The following INO80 variants were observed in gnomAD, a reference collection of about 807,000 sequenced individuals.
The protein encoded by INO80 is chromatin-remodeling ATPase INO80.
INO80 carries 20 observed loss-of-function variants against 203.4 expected under a neutral mutation model. The ratio of observed to expected loss-of-function variants is 0.10; its 90% CI spans 0.07 to 0.14. INO80 has a LOEUF of 0.14. Among genes scored for constraint, INO80 ranks in the 10% least tolerant of loss-of-function variants. INO80 has a pLI of 1.00. For synonymous variants in INO80, 726 were observed against 685.2 expected, an observed-to-expected ratio of 1.06 and a Z score of -0.93; for missense variants, 1,419 against 1,914.4, an observed-to-expected ratio of 0.74 and a Z score of 4.83.
At chr15:41,051,128 CA>C (rs368535813) in intron 19 of INO80, among the ~76,000 whole-genome samples, 1,188 of 78,476 alleles carry the variant, frequency 0.015, 81 homozygotes, top group African/African-American at 0.063. Context: ...GACTCCATCT[CA>C]AAAAAAAAAA....
At chr15:41,066,048 G>A (rs2045207340) in intron 14 of INO80, among the ~76,000 whole-genome samples, 1 of 143,806 alleles carries the variant, frequency 7.0e-6, no homozygotes, top group Non-Finnish European at 1.5e-5. Flanking sequence ...GCACAATCTC[G>A]GCTCACCACA....
rs181298154 is a variant in INO80, at chr15:41,116,175, G to A, written c.-246C>T. ...GACCCCAAGATGGCGGCGGCGCTGA[G>A]GCGGCTGCGGGCGCTGGGCCGGCGG... On this transcript the variant is annotated 5_prime_UTR_variant, in exon 1 of 36. Coordinates refer to ENST00000648947, the MANE Select transcript of INO80 (RefSeq NM_017553.3). 0.013 allele frequency: 5,179 copies of A among 407,806 alleles called. 228 individuals are homozygous for A. The highest frequency in any genetic ancestry group is 0.096 in the African/African-American group (4,699 of 48,802). 25.3% of individuals were successfully genotyped at this position (407,806 alleles called of 1,614,324 possible).
intron 9 of INO80, among the ~76,000 whole-genome samples, chr15:41,074,879 G>C (rs1181236198): frequency 6.6e-6 from 1 of 152,014 alleles, no homozygotes; most frequent in African/African-American, 2.4e-5. Context: ...AGAGTAGCTG[G>C]GATTACAAGT....
At chr15:41,042,219 G>T (rs1191839803) in intron 24 of INO80, among the ~76,000 whole-genome samples, 1 of 151,612 alleles carries the variant, frequency 6.6e-6, no homozygotes, top group East Asian at 1.9e-4. Flanking sequence ...TTTCACCATT[G>T]GCCAAGCTAG....
intron 14 of INO80, among the ~76,000 whole-genome samples, chr15:41,065,798 G>C: frequency 6.6e-6 from 1 of 152,240 alleles, no homozygotes; most frequent in South Asian, 2.1e-4. Context: ...CATTCACAAA[G>C]TGTTCAGAAT....
intron 11 of INO80, 138 bp from the exon 12 acceptor site, chr15:41,072,196 A>G (rs1302360343): frequency 3.5e-6 from 2 of 568,690 alleles, no homozygotes. Flanking sequence ...ATCTGATAAT[A>G]TAACGTAGTA....
rs760187385 is a variant in INO80 at position 41,072,058 on chromosome 15, T to C, written c.1396A>G (p.Thr466Ala). The C allele has an allele frequency of 6.5e-7, 1 of 1,527,550 alleles. No homozygotes were observed. The highest frequency in any genetic ancestry group is 8.7e-7 in the Non-Finnish European group (1 of 1,145,610). The allele number at this position is 1,527,550 out of a possible 1,614,324, so 94.6% of individuals were successfully genotyped here. A position where few individuals can be genotyped will look rare whatever the true frequency, so the allele number is the denominator to read the frequency against. ...TTTGCATCTTCATCAAATGACCTTGTCTGGAAAGTAAAAAAAAAAAAAATT... is the reference window on the plus strand; with the variant it reads ...TTTGCATCTTCATCAAATGACCTTGCCTGGAAAGTAAAAAAAAAAAAAATT... ...ENAYHIHQAR[T>A]RSFDEDAKES... Residue 466 changes from threonine (T) to alanine (A), a missense_variant and splice_region_variant, in exon 12 of 36, where the codon ACA becomes GCA. Coordinates refer to ENST00000648947, the MANE Select transcript of INO80 (RefSeq NM_017553.3).
rs1173316106 is a variant in INO80 at position 40,983,012 on chromosome 15, T to TGG, written c.4301_4302dup (p.Lys1435ProfsTer81). On this transcript the variant is annotated frameshift_variant, in exon 35 of 36. Transcript: ENST00000648947. LOFTEE classifies it high-confidence loss of function. ...CCTTTGGCTGTGCTTCCTGAACCTT[T>TGG]GGGGCGGCCTCGGCTTCGGGCTGAG... 1 of 1,613,928 alleles carries TGG rather than the reference T, an allele frequency of 6.2e-7. No homozygotes were observed. Among genetic ancestry groups the TGG allele is most frequent in the Non-Finnish European group, 8.5e-7 (1 of 1,180,018 alleles).
At chr15:41,073,175 T>C (rs2045351703) in intron 11 of INO80, among the ~76,000 whole-genome samples, 1 of 152,184 alleles carries the variant, frequency 6.6e-6, no homozygotes, top group Non-Finnish European at 1.5e-5. Context: ...CTGTTCTAAC[T>C]TGAAATTAAC....
intron 27 of INO80, among the ~76,000 whole-genome samples, chr15:41,010,192 C>G (rs1267292541): frequency 6.6e-6 from 1 of 152,198 alleles, no homozygotes; most frequent in Non-Finnish European, 1.5e-5. Context: ...GCCAGCATAA[C>G]TCAAGATAGT....
chr15:41,080,227 A>G (rs978111784), intron 8 of INO80, among the ~76,000 whole-genome samples: 1 of 152,354 alleles, frequency 6.6e-6, no homozygotes, highest in Non-Finnish European at 1.5e-5. Flanking sequence ...TGCTTATTAC[A>G]TCTTTAGCAC....
intron 29 of INO80, among the ~76,000 whole-genome samples, chr15:40,989,030 T>C (rs567707039): frequency 2.0e-5 from 3 of 148,878 alleles, no homozygotes; most frequent in African/African-American, 7.4e-5. Context: ...AAAAAAAAAA[T>C]TAGCCAGGTG....
intron 27 of INO80, 147 bp from the exon 28 acceptor site, chr15:41,005,834 A>G: frequency 4.1e-6 from 2 of 482,394 alleles, no homozygotes; most frequent in Non-Finnish European, 7.4e-6. Context: ...CAAGAGTACA[A>G]GAAGTTAATC....
intron 1 of INO80, among the ~76,000 whole-genome samples, chr15:41,097,583 C>T (rs2045744613): frequency 6.6e-6 from 1 of 151,734 alleles, no homozygotes; most frequent in South Asian, 2.1e-4. Context: ...AGTGATTCTC[C>T]TGCCTCAGGC....
intron 9 of INO80, among the ~76,000 whole-genome samples, chr15:41,079,369 G>T (rs2045449951): frequency 6.6e-6 from 1 of 152,044 alleles, no homozygotes; most frequent in Admixed American, 6.6e-5. Context: ...AATAGAGGAA[G>T]ACAGCTTAGA....
At chr15:41,002,255 T>G (rs1473137375) in intron 28 of INO80, among the ~76,000 whole-genome samples, 1 of 152,208 alleles carries the variant, frequency 6.6e-6, no homozygotes. Context: ...CCTAATAAAA[T>G]CTGTGAAAAA....
At chr15:41,032,782 G>A (rs1344046097) in intron 24 of INO80, among the ~76,000 whole-genome samples, 2 of 152,146 alleles carry the variant, frequency 1.3e-5, no homozygotes, top group Admixed American at 6.5e-5. Flanking sequence ...GCTCATGCCT[G>A]TAATCCCAGC....
At chr15:41,029,986 G>C (rs1012072333) in intron 24 of INO80, among the ~76,000 whole-genome samples, 1 of 152,174 alleles carries the variant, frequency 6.6e-6, no homozygotes, top group African/African-American at 2.4e-5. Context: ...GACCATTCCT[G>C]GGCAGATGGC....
chr15:41,079,574 C>CCA, intron 9 of INO80, 127 bp downstream of exon 9: 1 of 644,168 alleles, frequency 1.6e-6, no homozygotes. Context: ...GCATCTCTAC[C>CCA]AAAAAAAAAA....
Sources: gnomAD v4.1 joint callset for allele counts (sites outside exome capture counted in the v4.1 genomes callset) on GRCh38, gnomAD v4.1.1 for gene constraint, MANE v1.5 for transcripts, NCBI Gene and HGNC (gene_info 2026-07-23, HGNC 2026-07-21) for gene names.